The following MSRA variants were observed in gnomAD, a reference collection of about 807,000 sequenced individuals.
The protein encoded by MSRA is mitochondrial peptide methionine sulfoxide reductase.
A neutral mutation model predicts 31.3 loss-of-function variants in MSRA; 54 were observed. That is an observed-to-expected ratio of 1.73 (90% CI 1.39 to 2.17). MSRA has a LOEUF of 2.17. Ranked by LOEUF, MSRA falls within the 30% of genes most tolerant of loss-of-function variation. The pLI, the probability that MSRA is intolerant of heterozygous loss-of-function variation, is 0.00. For missense variants in MSRA, 507 were observed against 300.9 expected (o/e 1.69, Z -5.07); for synonymous variants, 169 against 116.5 (o/e 1.45, Z -2.90).
At chr8:10,082,498 A>C (rs896073621) in intron 1 of MSRA, among the ~76,000 whole-genome samples, 8 of 152,130 alleles carry the variant, frequency 5.3e-5, no homozygotes, top group African/African-American at 1.9e-4. Flanking sequence ...CCCACAAAAC[A>C]GATGGAGCAC....
chr8:10,126,528 T>A (rs1388255092), intron 1 of MSRA, among the ~76,000 whole-genome samples: 1 of 152,162 alleles, frequency 6.6e-6, no homozygotes. Flanking sequence ...CTTTCTTTTT[T>A]CTTTTGAGAT....
At chr8:10,225,160 C>A (rs745373622) in intron 2 of MSRA, among the ~76,000 whole-genome samples, 3 of 152,104 alleles carry the variant, frequency 2.0e-5, no homozygotes, top group Non-Finnish European at 4.4e-5. Context: ...TAAATACATG[C>A]ATACAACTTC....
chr8:10,313,917 A>C (rs1801574809), intron 4 of MSRA, among the ~76,000 whole-genome samples: 1 of 152,224 alleles, frequency 6.6e-6, no homozygotes, highest in Admixed American at 6.5e-5. Flanking sequence ...CTGGGGAAAT[A>C]ATGGCTTCTT....
intron 1 of MSRA, among the ~76,000 whole-genome samples, chr8:10,151,077 A>T (rs2129036620): frequency 6.6e-6 from 1 of 151,688 alleles, no homozygotes; most frequent in Admixed American, 6.6e-5. Flanking sequence ...TCTAGTTGGG[A>T]TCCGTAAAGG....
At chr8:10,218,291 G>A (rs1175642784) in intron 2 of MSRA, among the ~76,000 whole-genome samples, 3 of 151,874 alleles carry the variant, frequency 2.0e-5, no homozygotes, top group East Asian at 1.9e-4. Context: ...GATTATAGGC[G>A]TGCACCACCA....
chr8:10,245,559 C>G lies in MSRA; in HGVS notation c.331+336C>G, dbSNP rs186872179. On this transcript the variant is annotated intron_variant, in intron 3 of 5. Transcript: ENST00000317173. ...TTCTGTTAGCCTCACCTGGGATTTG[C>G]TCATGTGGCTAAGGTCAACCTGTGG... Among the ~76,000 whole-genome samples the G allele has an allele frequency of 1.5e-3, 223 of 152,324 alleles. 1 individual carries two copies. Among genetic ancestry groups the G allele is most frequent in the Admixed American group, 5.0e-3 (77 of 15,302 alleles).
chr8:10,130,525 A>T (rs771229378), intron 1 of MSRA, among the ~76,000 whole-genome samples: 2 of 152,270 alleles, frequency 1.3e-5, no homozygotes, highest in East Asian at 3.9e-4. Flanking sequence ...CCCCTCCGAC[A>T]TTCTTTCACT....
chr8:10,070,538 C>G (rs1222535883), intron 1 of MSRA, among the ~76,000 whole-genome samples: 1 of 152,154 alleles, frequency 6.6e-6, no homozygotes, highest in African/African-American at 2.4e-5. Context: ...GTACATCTTG[C>G]AAAACTATAG....
At chr8:10,231,264 G>T (rs1811451335) in intron 2 of MSRA, among the ~76,000 whole-genome samples, 1 of 152,132 alleles carries the variant, frequency 6.6e-6, no homozygotes, top group Non-Finnish European at 1.5e-5. Context: ...CGTCTAGCTG[G>T]GAAAAGAAAG....
At chr8:10,137,326 C>T (rs1401206693) in intron 1 of MSRA, among the ~76,000 whole-genome samples, 2 of 152,144 alleles carry the variant, frequency 1.3e-5, no homozygotes, top group Non-Finnish European at 2.9e-5. Context: ...GACTTAGGAA[C>T]GTCTTGGTGC....
At chr8:10,238,316 C>A (rs971922118) in intron 2 of MSRA, among the ~76,000 whole-genome samples, 7 of 152,220 alleles carry the variant, frequency 4.6e-5, no homozygotes, top group African/African-American at 1.7e-4. Context: ...CCCACCTGAT[C>A]TCTCTGACCT....
chr8:10,326,220 A>T (rs984174830), intron 5 of MSRA, among the ~76,000 whole-genome samples: 1 of 152,196 alleles, frequency 6.6e-6, no homozygotes, highest in African/African-American at 2.4e-5. Context: ...GCTTCTTTAT[A>T]TGTGAAGTTT....
At chr8:10,291,686 T>G (rs767231336) in intron 3 of MSRA, among the ~76,000 whole-genome samples, 1 of 152,140 alleles carries the variant, frequency 6.6e-6, no homozygotes, top group Non-Finnish European at 1.5e-5. Context: ...CCTTTCTCCC[T>G]TCAAACACCT....
chr8:10,160,274 C>G (rs1804518150), intron 1 of MSRA, among the ~76,000 whole-genome samples: 2 of 152,042 alleles, frequency 1.3e-5, no homozygotes, highest in African/African-American at 4.8e-5. Context: ...GTGGGCAGAT[C>G]ACGAGGTCAG....
chr8:10,154,363 G>GTT (rs371609717), intron 1 of MSRA, among the ~76,000 whole-genome samples: 1 of 149,486 alleles, frequency 6.7e-6, no homozygotes, highest in African/African-American at 2.5e-5. Flanking sequence ...CACATTTGTG[G>GTT]TTTTTTTTTT....
At chr8:10,406,836 G>C (rs995987596) in intron 5 of MSRA, among the ~76,000 whole-genome samples, 1 of 152,216 alleles carries the variant, frequency 6.6e-6, no homozygotes, top group Non-Finnish European at 1.5e-5. Context: ...GGATGGCCCT[G>C]AGTCTTGCCT....
chr8:10,324,483 G>A (rs570561770), intron 5 of MSRA, among the ~76,000 whole-genome samples: 14 of 152,244 alleles, frequency 9.2e-5, no homozygotes, highest in South Asian at 8.3e-4. Flanking sequence ...GTGCTGCACC[G>A]GGAGCTGCTC....
intron 5 of MSRA, among the ~76,000 whole-genome samples, chr8:10,369,364 C>G (rs186607677): frequency 9.2e-5 from 14 of 151,532 alleles, no homozygotes; most frequent in African/African-American, 3.2e-4. Context: ...TACTGCCCCC[C>G]TAATGGTTGA....
At chr8:10,084,717 G>C (rs751542186) in intron 1 of MSRA, among the ~76,000 whole-genome samples, 1 of 152,196 alleles carries the variant, frequency 6.6e-6, no homozygotes, top group Non-Finnish European at 1.5e-5. Context: ...AAGGAGAAGC[G>C]TTTAGAACAC....
Sources: allele counts gnomAD v4.1 joint callset (sites outside exome capture counted in the v4.1 genomes callset), GRCh38; gene constraint gnomAD v4.1.1; transcripts MANE v1.5; gene names NCBI Gene and HGNC (gene_info 2026-07-23, HGNC 2026-07-21).